The following TENM4 variants were observed in gnomAD, a reference collection of about 807,000 sequenced individuals.
The protein encoded by TENM4 is teneurin-4.
Under a neutral mutation model 243.3 loss-of-function variants are expected in TENM4, and 82 were observed. That is an observed-to-expected ratio of 0.34 (90% CI 0.28 to 0.40). TENM4 has a LOEUF of 0.40. Among genes scored for constraint, TENM4 ranks in the 10% least tolerant of loss-of-function variants. The pLI, the probability that TENM4 is intolerant of heterozygous loss-of-function variation, is 1.00. For missense variants in TENM4, 3,138 were observed against 3,673.3 expected, an observed-to-expected ratio of 0.85 and a Z score of 3.77; for synonymous variants, 1,412 against 1,456.3, an observed-to-expected ratio of 0.97 and a Z score of 0.69.
chr11:79,030,584 C>T (rs902565193), intron 6 of TENM4, among the ~76,000 whole-genome samples: 1 of 152,136 alleles, frequency 6.6e-6, no homozygotes, highest in Non-Finnish European at 1.5e-5. Context: ...TGTCAGTCCT[C>T]TCCAATTTTA....
At chr11:79,113,896 C>T (rs1056121048) in intron 4 of TENM4, among the ~76,000 whole-genome samples, 10 of 152,128 alleles carry the variant, frequency 6.6e-5, no homozygotes, top group African/African-American at 1.9e-4. Flanking sequence ...TTGTTGTTGC[C>T]TGCACAACTC....
intron 1 of TENM4, among the ~76,000 whole-genome samples, chr11:79,332,705 C>CTA (rs967233876): frequency 2.0e-5 from 3 of 152,154 alleles, no homozygotes; most frequent in African/African-American, 4.8e-5. Flanking sequence ...CTTAAGTAGA[C>CTA]TATATATCTT....
At chr11:79,191,891 C>A in intron 3 of TENM4, 1 of 172,360 alleles carries the variant, frequency 5.8e-6, no homozygotes, top group South Asian at 1.3e-4. Flanking sequence ...CTCCGCCTGG[C>A]TGCCACCTCG....
chr11:79,052,287 G>GT (rs1449596681), intron 6 of TENM4, among the ~76,000 whole-genome samples: 1 of 152,166 alleles, frequency 6.6e-6, no homozygotes, highest in Non-Finnish European at 1.5e-5. Flanking sequence ...AGCATCTGTT[G>GT]TTTTTTGACT....
At chr11:79,262,245 G>A (rs1482072445) in intron 2 of TENM4, among the ~76,000 whole-genome samples, 2 of 152,190 alleles carry the variant, frequency 1.3e-5, no homozygotes, top group Non-Finnish European at 2.9e-5. Flanking sequence ...CTGGGCTGCT[G>A]TGAGAGGGCA....
At chr11:78,979,323 G>A (rs1857737656) in intron 6 of TENM4, among the ~76,000 whole-genome samples, 1 of 152,164 alleles carries the variant, frequency 6.6e-6, no homozygotes, top group African/African-American at 2.4e-5. Flanking sequence ...CCTGCCTTTG[G>A]GAAGTTCCCA....
intron 6 of TENM4, among the ~76,000 whole-genome samples, chr11:79,027,891 C>T (rs1474734237): frequency 6.6e-6 from 1 of 152,166 alleles, no homozygotes; most frequent in Non-Finnish European, 1.5e-5. Context: ...CCCTAACACG[C>T]TTGCAATGTA....
chr11:79,221,743 A>G (rs1401910117), intron 2 of TENM4, among the ~76,000 whole-genome samples: 4 of 152,198 alleles, frequency 2.6e-5, no homozygotes, highest in Non-Finnish European at 5.9e-5. Context: ...ACAAGGGGAA[A>G]TAAAGGCAGC....
At chr11:78,970,236 G>A (rs931820048) in intron 6 of TENM4, among the ~76,000 whole-genome samples, 1 of 152,088 alleles carries the variant, frequency 6.6e-6, no homozygotes, top group African/African-American at 2.4e-5. Context: ...CTGCCAAAGA[G>A]GGACCACGTA....
At chr11:79,432,894 C>A (rs1859197898) in intron 1 of TENM4, among the ~76,000 whole-genome samples, 1 of 152,050 alleles carries the variant, frequency 6.6e-6, no homozygotes, top group African/African-American at 2.4e-5. Context: ...GTGGTGTGAC[C>A]CTGGGCTCAG....
chr11:78,700,855 G>T (rs180782159), intron 28 of TENM4, among the ~76,000 whole-genome samples: 1 of 152,188 alleles, frequency 6.6e-6, no homozygotes, highest in East Asian at 1.9e-4. Context: ...ATCACTTCAG[G>T]CAGGGGCAAA....
At chr11:79,437,826 CCTT>C in intron 1 of TENM4, among the ~76,000 whole-genome samples, 1 of 152,180 alleles carries the variant, frequency 6.6e-6, no homozygotes, top group East Asian at 1.9e-4. Context: ...GGGGCGCCCT[CCTT>C]CTTCCTGGAT....
chr11:79,111,170 C>T lies in TENM4; in HGVS notation c.-66+37540G>A, dbSNP rs140596161. Among the ~76,000 whole-genome samples the T allele has an allele frequency of 2.5e-3, 380 of 152,280 alleles. 1 individual carries two copies. The highest frequency in any genetic ancestry group is 8.5e-3 in the African/African-American group (355 of 41,564). ...TTCGCTTGCTCCCATTCTCTCTTGCCTGCTGCCAGGTAAGATGTGCCTTTC... is the reference window on the plus strand; with the variant it reads ...TTCGCTTGCTCCCATTCTCTCTTGCTTGCTGCCAGGTAAGATGTGCCTTTC... On this transcript the variant is annotated intron_variant, in intron 4 of 33. Transcript: ENST00000278550.
At chr11:79,274,506 C>T (rs1349281946) in intron 2 of TENM4, among the ~76,000 whole-genome samples, 1 of 152,088 alleles carries the variant, frequency 6.6e-6, no homozygotes, top group Non-Finnish European at 1.5e-5. Context: ...CTCCCTGCAT[C>T]TTCTTTATAT....
intron 9 of TENM4, among the ~76,000 whole-genome samples, chr11:78,878,043 C>T (rs933782852): frequency 2.0e-5 from 3 of 152,206 alleles, no homozygotes; most frequent in African/African-American, 7.2e-5. Context: ...CCGCCTCTGG[C>T]TTTGTCTCCT....
At chr11:78,740,389 C>T (rs1855894197) in intron 19 of TENM4, among the ~76,000 whole-genome samples, 1 of 149,302 alleles carries the variant, frequency 6.7e-6, no homozygotes, top group African/African-American at 2.5e-5. Flanking sequence ...TCACTCCACA[C>T]AATCTGGTTA....
chr11:79,108,833 A>G (rs1355224255), intron 4 of TENM4, among the ~76,000 whole-genome samples: 1 of 152,156 alleles, frequency 6.6e-6, no homozygotes, highest in Non-Finnish European at 1.5e-5. Context: ...TGGAAAATTT[A>G]GCCAAGGATC....
intron 6 of TENM4, among the ~76,000 whole-genome samples, chr11:79,000,066 G>A (rs1858275621): frequency 6.6e-6 from 1 of 152,124 alleles, no homozygotes; most frequent in South Asian, 2.1e-4. Flanking sequence ...ACAATTAATG[G>A]CTGACTCCTC....
intron 17 of TENM4, among the ~76,000 whole-genome samples, chr11:78,772,993 C>T (rs190505507): frequency 7.9e-5 from 12 of 152,314 alleles, no homozygotes; most frequent in African/African-American, 2.4e-4. Context: ...GACACACAGG[C>T]GGCTATCCAG....
Sources: allele counts gnomAD v4.1 joint callset (sites outside exome capture counted in the v4.1 genomes callset), GRCh38; gene constraint gnomAD v4.1.1; transcripts MANE v1.5; gene names NCBI Gene and HGNC (gene_info 2026-07-23, HGNC 2026-07-21).